DPP10: variants seen among roughly 807,000 people sequenced by gnomAD.
DPP10 encodes inactive dipeptidyl peptidase 10.
A neutral mutation model predicts 120.9 loss-of-function variants in DPP10; 33 were observed. The observed-to-expected ratio is 0.27, with a 90% confidence interval of 0.21 to 0.37. The LOEUF is 0.37. Among genes scored for constraint, DPP10 ranks in the 10% least tolerant of loss-of-function variants. The pLI is 1.00. For missense variants in DPP10, 816 were observed against 942.8 expected, an observed-to-expected ratio of 0.87 and a Z score of 1.76; for synonymous variants, 337 against 326.1, an observed-to-expected ratio of 1.03 and a Z score of -0.36.
chr2:115,630,952 T>C (rs2085805667), intron 5 of DPP10, among the ~76,000 whole-genome samples: 1 of 151,912 alleles, frequency 6.6e-6, no homozygotes, highest in Non-Finnish European at 1.5e-5. Context: ...CTTTTTCAAT[T>C]GTTTGCAATA....
intron 1 of DPP10, among the ~76,000 whole-genome samples, chr2:114,931,027 C>A (rs1420136438): frequency 4.6e-5 from 7 of 152,170 alleles, no homozygotes; most frequent in African/African-American, 1.7e-4. Context: ...AATCTCCAAA[C>A]TATACCAACC....
chr2:114,700,814 C>T (rs777851048), intron 1 of DPP10, among the ~76,000 whole-genome samples: 8 of 152,032 alleles, frequency 5.3e-5, no homozygotes, highest in East Asian at 1.9e-4. Context: ...AACATTGGTA[C>T]TTTTTGTTTG....
At chr2:115,714,933 G>A (rs1452495040) in intron 7 of DPP10, among the ~76,000 whole-genome samples, 1 of 151,834 alleles carries the variant, frequency 6.6e-6, no homozygotes, top group Admixed American at 6.6e-5. Flanking sequence ...GGGATGCTGA[G>A]GCTGGAGAAC....
intron 5 of DPP10, among the ~76,000 whole-genome samples, chr2:115,684,305 G>T (rs1172510599): frequency 2.0e-5 from 3 of 151,770 alleles, no homozygotes; most frequent in Admixed American, 2.0e-4. Flanking sequence ...ATAGCTAGGA[G>T]CTAGTTAGTT....
At chr2:115,069,174 A>T (rs1707166114) in intron 1 of DPP10, among the ~76,000 whole-genome samples, 1 of 152,068 alleles carries the variant, frequency 6.6e-6, no homozygotes, top group Non-Finnish European at 1.5e-5. Context: ...TCCAATATAT[A>T]AACATAGATT....
intron 1 of DPP10, among the ~76,000 whole-genome samples, chr2:114,674,792 C>A (rs1032320874): frequency 6.6e-6 from 1 of 152,118 alleles, no homozygotes; most frequent in African/African-American, 2.4e-5. Context: ...CTGCATCAGA[C>A]CACATGCTGT....
At chr2:114,883,364 T>C (rs1323233716) in intron 1 of DPP10, among the ~76,000 whole-genome samples, 1 of 152,222 alleles carries the variant, frequency 6.6e-6, no homozygotes, top group Non-Finnish European at 1.5e-5. Context: ...ATTAATTAAA[T>C]ACAGTTTGCC....
intron 1 of DPP10, among the ~76,000 whole-genome samples, chr2:115,034,997 C>T (rs1401550290): frequency 2.6e-5 from 4 of 152,224 alleles, no homozygotes; most frequent in South Asian, 2.1e-4. Context: ...AATTGTACCA[C>T]GTAAGGCCTT....
chr2:115,489,740 G>A (rs890567401), intron 3 of DPP10, among the ~76,000 whole-genome samples: 2 of 151,778 alleles, frequency 1.3e-5, no homozygotes, highest in African/African-American at 2.4e-5. Flanking sequence ...TTTTGAAATG[G>A]CCCCACAAAA....
chr2:114,537,383 A>C (rs1249599722), intron 1 of DPP10, among the ~76,000 whole-genome samples: 1 of 152,210 alleles, frequency 6.6e-6, no homozygotes, highest in African/African-American at 2.4e-5. Context: ...CAGAAAGAAA[A>C]AAAAACAGTT....
At chr2:115,194,669 T>C (rs929100663) in intron 1 of DPP10, among the ~76,000 whole-genome samples, 7 of 152,152 alleles carry the variant, frequency 4.6e-5, no homozygotes, top group Admixed American at 3.9e-4. Context: ...AGGCTTTGTT[T>C]TTAGGGCATA....
chr2:115,302,017 A>T (rs2061160364), intron 1 of DPP10, among the ~76,000 whole-genome samples: 1 of 152,068 alleles, frequency 6.6e-6, no homozygotes, highest in Admixed American at 6.6e-5. Flanking sequence ...CCAGTTCCAC[A>T]GGCTTAACAG....
intron 5 of DPP10, among the ~76,000 whole-genome samples, chr2:115,612,159 A>G (rs1028071119): frequency 1.3e-5 from 2 of 152,168 alleles, no homozygotes; most frequent in African/African-American, 4.8e-5. Context: ...ATATTTTTAT[A>G]TGCTCATCAG....
chr2:115,316,663 T>G (rs2106073415), intron 2 of DPP10, among the ~76,000 whole-genome samples: 1 of 152,336 alleles, frequency 6.6e-6, no homozygotes, highest in Middle Eastern at 3.4e-3. Flanking sequence ...TAAACCACAT[T>G]ATATAAAATT....
intron 1 of DPP10, among the ~76,000 whole-genome samples, chr2:114,773,606 G>C (rs12479372): frequency 0.045 from 6,919 of 152,184 alleles, 199 homozygotes; most frequent in South Asian, 0.11. Context: ...TTAAATTAAT[G>C]TCCTTTACAT....
At chr2:115,216,893 A>G (rs905463642) in intron 1 of DPP10, among the ~76,000 whole-genome samples, 1 of 152,014 alleles carries the variant, frequency 6.6e-6, no homozygotes, top group African/African-American at 2.4e-5. Context: ...ATATATGTGT[A>G]TACGTATACA....
intron 1 of DPP10, among the ~76,000 whole-genome samples, chr2:114,492,067 T>C (rs1318133156): frequency 6.6e-6 from 1 of 152,172 alleles, no homozygotes; most frequent in Non-Finnish European, 1.5e-5. Flanking sequence ...ATGTCTTGTA[T>C]AGGGTTATAT....
At chr2:115,569,146 G>A (rs2081195230) in intron 5 of DPP10, among the ~76,000 whole-genome samples, 1 of 152,270 alleles carries the variant, frequency 6.6e-6, no homozygotes, top group Admixed American at 6.5e-5. Flanking sequence ...GTTACAGAGA[G>A]ATAAATAACT....
chr2:115,335,121 G>A (rs1305327728), intron 2 of DPP10, among the ~76,000 whole-genome samples: 1 of 151,848 alleles, frequency 6.6e-6, no homozygotes, highest in Non-Finnish European at 1.5e-5. Flanking sequence ...GAAACCTTGT[G>A]CAGGGAAACT....
Sources: gnomAD v4.1 joint callset for allele counts (sites outside exome capture counted in the v4.1 genomes callset) on GRCh38, gnomAD v4.1.1 for gene constraint, MANE v1.5 for transcripts, NCBI Gene and HGNC (gene_info 2026-07-23, HGNC 2026-07-21) for gene names.